Variants in ZNF695 observed in about 807,000 individuals in gnomAD.
The protein encoded by ZNF695 is zinc finger protein SBZF3.
In ZNF695, 11 loss-of-function variants were observed where a neutral mutation model predicts 11.2. The observed-to-expected ratio is 0.98, with a 90% CI of 0.62 to 1.62. The LOEUF (loss-of-function observed/expected upper bound fraction) is 1.62. ZNF695 is among the 40% of genes most tolerant of loss of function. The pLI is 0.00. For missense variants in ZNF695, 559 were observed against 590.5 expected, an observed-to-expected ratio of 0.95 and a Z score of 0.55; for synonymous variants, 190 against 201.4, an observed-to-expected ratio of 0.94 and a Z score of 0.48.
At chr1:246,951,940 G>T (rs1667878093) in intron 5 of ZNF695, among the ~76,000 whole-genome samples, 1 of 152,086 alleles carries the variant, frequency 6.6e-6, no homozygotes, top group Admixed American at 6.6e-5. Context: ...TTACTGTCTG[G>T]CTTCCCAAGT....
At chr1:247,001,432 C>G (rs1257098792) in intron 1 of ZNF695, among the ~76,000 whole-genome samples, 1 of 151,440 alleles carries the variant, frequency 6.6e-6, no homozygotes, top group Non-Finnish European at 1.5e-5. Flanking sequence ...AGAAAAGGAG[C>G]CGGGCGTGGT....
Position 246,987,384 on chromosome 1 carries a change from C to G in ZNF695, c.1131G>C (p.Glu377Asp). ...LTEHRRIHTG[E>D]KPYKCEECGK... is the part of the protein sequence containing the mutation. The stretch of plus-strand genomic sequence containing the variant: ...CACATTCCTCACATTTGTATGGTTT[C>G]TCACCAGTATGAATTCTCCTATGTT... Residue 377 changes from glutamate (E) to aspartate (D), a missense_variant, in exon 4 of 4, where the codon GAG (glutamate) becomes GAC (aspartate). Coordinates refer to ENST00000339986, the MANE Select transcript of ZNF695 (RefSeq NM_020394.5). 2 of 1,613,440 alleles carry G rather than the reference C, an allele frequency of 1.2e-6. No homozygotes were observed. Among genetic ancestry groups the G allele is most frequent in the South Asian group, 2.2e-5 (2 of 90,968 alleles).
At chr1:246,967,243 G>T (rs912998386) in intron 5 of ZNF695, among the ~76,000 whole-genome samples, 3 of 152,034 alleles carry the variant, frequency 2.0e-5, no homozygotes, top group Admixed American at 6.6e-5. Context: ...CAGCCTAAAC[G>T]TTACATATTA....
At chr1:246,968,691 C>T (rs1327268602) in intron 4 of ZNF695, 5 of 152,290 alleles carry the variant, frequency 3.3e-5, no homozygotes, top group African/African-American at 9.6e-5. Flanking sequence ...TTCCATACAT[C>T]CTCAGAAATC....
chr1:246,991,919 G>C (rs1313504313), intron 3 of ZNF695, among the ~76,000 whole-genome samples: 1 of 152,116 alleles, frequency 6.6e-6, no homozygotes, highest in East Asian at 1.9e-4. Flanking sequence ...TTATAGGCCG[G>C]GCGCGGTGGC....
intron 5 of ZNF695, among the ~76,000 whole-genome samples, chr1:246,958,685 A>G (rs1668070476): frequency 6.6e-6 from 1 of 152,132 alleles, no homozygotes; most frequent in Non-Finnish European, 1.5e-5. Context: ...GTGGGTCAGA[A>G]ACCAGCCATC....
intron 4 of ZNF695, among the ~76,000 whole-genome samples, chr1:246,978,702 T>C (rs1398754885): frequency 6.6e-6 from 1 of 152,222 alleles, no homozygotes; most frequent in African/African-American, 2.4e-5. Flanking sequence ...GCTCAGGTAC[T>C]GCAGAGGCTG....
At chr1:247,007,854 G>A (rs540467845) in intron 1 of ZNF695, 52 bp downstream of exon 1, 2 of 1,510,028 alleles carry the variant, frequency 1.3e-6, no homozygotes, top group Non-Finnish European at 8.9e-7. Context: ...AATTCCAACC[G>A]ATTCCAACCA....
rs145433801 is a variant in ZNF695, at chr1:246,985,667, T to G, written c.*1300A>C. ...CTAAAAAGAGCATTTCAAAATCCAC[T>G]GAATTTTATTACCTTAATGTGCAAT... On this transcript the variant is annotated 3_prime_UTR_variant, in exon 4 of 4. Coordinates refer to ENST00000339986, the MANE Select transcript of ZNF695 (RefSeq NM_020394.5). The G allele has an allele frequency of 1.2e-4, 121 of 985,426 alleles. No individual in the cohort carries two copies. The African/African-American group carries it at 1.9e-3, about 16-fold the overall frequency. 61.0% of individuals were successfully genotyped at this position (985,426 alleles called of 1,614,324 possible).
chr1:246,963,194 C>A (rs1191451916), intron 5 of ZNF695, among the ~76,000 whole-genome samples: 1 of 152,176 alleles, frequency 6.6e-6, no homozygotes, highest in South Asian at 2.1e-4. Flanking sequence ...AACTAGCTCA[C>A]CCCTGCCACT....
intron 5 of ZNF695, chr1:246,966,924 A>C: frequency 2.3e-6 from 1 of 434,526 alleles, no homozygotes; most frequent in Admixed American, 2.7e-5. Context: ...AAATCATATT[A>C]AATGTTACTT....
intron 2 of ZNF695, 21 bp from the exon 3 acceptor site, chr1:246,999,461 T>G (rs1161209596): frequency 6.3e-7 from 1 of 1,591,442 alleles, no homozygotes. Context: ...AGAAAAAAGG[T>G]GCATGATTCT....
At position 246,993,482 on chromosome 1, in the gene ZNF695, G is replaced by A. The variant is rs147547312; in HGVS notation, c.260-5227C>T. ...ACATATCCCAAGAACAAGTTTGAGAGGCTCCCATAATCTCTAGCCTGGTCA... is the reference window on the plus strand; with the variant it reads ...ACATATCCCAAGAACAAGTTTGAGAAGCTCCCATAATCTCTAGCCTGGTCA... On this transcript the variant is annotated intron_variant, in intron 3 of 3. Coordinates refer to ENST00000339986, the MANE Select transcript of ZNF695 (RefSeq NM_020394.5). 4.4e-3 allele frequency among the ~76,000 whole-genome samples: 668 copies of A among 152,056 alleles called. 4 individuals are homozygous for A. The highest frequency in any genetic ancestry group is 0.015 in the African/African-American group (625 of 41,484).
At chr1:246,983,947 G>A (rs539541407), downstream of ZNF695, among the ~76,000 whole-genome samples, 3 of 152,070 alleles carry the variant, frequency 2.0e-5, no homozygotes, top group Non-Finnish European at 2.9e-5. Flanking sequence ...CTAGAGCTTA[G>A]GAGTTCAAGA....
rs1668909913 is a variant in ZNF695, at chr1:246,988,086, T to C, written c.429A>G (p.Gly143=). The C allele has an allele frequency of 6.2e-7, 1 of 1,613,090 alleles. No homozygotes were observed. The highest frequency in any genetic ancestry group is 1.3e-5 in the African/African-American group (1 of 74,864). ...GAGTAGTTGCTGAGCATAGGTCAAG[T>C]CCATTATAACTTGCCTTCTGCCCTT... ...EWKGQKASYN[G]LDLCSATTHS... The change falls in exon 4 of 4, where the codon GGA becomes GGG. Residue 143 remains glycine, a synonymous_variant. Coordinates refer to ENST00000339986, the MANE Select transcript of ZNF695 (RefSeq NM_020394.5).
chr1:246,984,759 A>T (rs1353401056), downstream of ZNF695, among the ~76,000 whole-genome samples: 1 of 152,274 alleles, frequency 6.6e-6, no homozygotes, highest in Non-Finnish European at 1.5e-5. Context: ...CTAATTAAGT[A>T]CAATGAAAAT....
chr1:246,996,644 T>C (rs1306832908), intron 3 of ZNF695, among the ~76,000 whole-genome samples: 1 of 152,240 alleles, frequency 6.6e-6, no homozygotes, highest in Non-Finnish European at 1.5e-5. Flanking sequence ...TTTGTCCTGA[T>C]GTGATTATTA....
chr1:246,948,600 A>G (rs371589387), intron 5 of ZNF695, among the ~76,000 whole-genome samples: 4 of 152,206 alleles, frequency 2.6e-5, no homozygotes, highest in Admixed American at 1.3e-4. Context: ...AAATTGGAAA[A>G]TAATACTAAC....
At chr1:246,965,310 T>C (rs1308074281) in intron 5 of ZNF695, among the ~76,000 whole-genome samples, 1 of 143,714 alleles carries the variant, frequency 7.0e-6, no homozygotes, top group Non-Finnish European at 1.5e-5. Context: ...TGAGCCGAGA[T>C]AGCGCCACTG....
Sources: allele counts gnomAD v4.1 joint callset (sites outside exome capture counted in the v4.1 genomes callset), GRCh38; gene constraint gnomAD v4.1.1; transcripts MANE v1.5; gene names NCBI Gene and HGNC (gene_info 2026-07-23, HGNC 2026-07-21).